The following SH3RF3 variants were observed in gnomAD, a reference collection of about 807,000 sequenced individuals.
SH3RF3 encodes the protein SH3 domain containing ring finger 3, also known as E3 ubiquitin-protein ligase SH3RF3.
SH3RF3 carries 29 observed loss-of-function variants against 66.3 expected under a neutral mutation model. The observed-to-expected ratio is 0.44, with a 90% CI of 0.33 to 0.60. SH3RF3 has a LOEUF of 0.60. Among genes scored for constraint, SH3RF3 ranks in the 20% least tolerant of loss-of-function variants. The pLI is 0.04. For synonymous variants in SH3RF3, 583 were observed against 532.0 expected (o/e 1.10, Z -1.32); for missense variants, 1,194 against 1,190.9 (o/e 1.00, Z -0.04).
In SH3RF3 at chr2:109,173,376, C is replaced by T. The variant is rs750019780; in HGVS notation, c.573+43263C>T. Among the ~76,000 whole-genome samples, 8 of 152,246 alleles carry T rather than the reference C, an allele frequency of 5.3e-5. No individual in the cohort carries two copies. In the East Asian group the frequency reaches 1.5e-3, roughly 29 times the overall value. ...AGCCGTCCCTGCCTGGGTTGTCTAT[C>T]GTGTGACTGTTTCAGATAAAGGCGG... On this transcript the variant is annotated intron_variant, in intron 1 of 9. Coordinates refer to ENST00000309415, the MANE Select transcript of SH3RF3 (RefSeq NM_001099289.3).
At chr2:109,201,887 C>T (rs891732254) in intron 1 of SH3RF3, among the ~76,000 whole-genome samples, 2 of 152,216 alleles carry the variant, frequency 1.3e-5, no homozygotes, top group Admixed American at 1.3e-4. Context: ...AGCCTCCTAC[C>T]AATGAGTCTG....
rs573604199 is a variant in SH3RF3 at position 109,305,725 on chromosome 2, G to A, written c.574-41949G>A. Among the ~76,000 whole-genome samples the A allele has an allele frequency of 2.9e-4, 44 of 152,354 alleles. No individual in the cohort carries two copies. The South Asian group carries it at 7.0e-3, about 24-fold the overall frequency. ...CATGTGCGGTGTGTGGCTACAATGC[G>A]GGAGGACGCACATTCCAGGCAGTGT... On this transcript the variant is annotated intron_variant, in intron 1 of 9. Transcript: ENST00000309415.
At chr2:109,476,906 T>C (rs950417073) in intron 8 of SH3RF3, among the ~76,000 whole-genome samples, 4 of 152,184 alleles carry the variant, frequency 2.6e-5, no homozygotes, top group African/African-American at 9.7e-5. Context: ...GTCATGGCGC[T>C]AATGGGAGTG....
intron 4 of SH3RF3, among the ~76,000 whole-genome samples, chr2:109,401,325 C>T (rs1483304314): frequency 6.6e-6 from 1 of 152,218 alleles, no homozygotes; most frequent in African/African-American, 2.4e-5. Context: ...AGGGGTACCC[C>T]TAAGAAGAGG....
chr2:109,458,008 A>G (rs1678108725), intron 8 of SH3RF3, among the ~76,000 whole-genome samples: 1 of 151,994 alleles, frequency 6.6e-6, no homozygotes, highest in Admixed American at 6.6e-5. Context: ...TCGGCATTCT[A>G]TTTGTTGTGG....
intron 8 of SH3RF3, among the ~76,000 whole-genome samples, chr2:109,468,937 A>G (rs1185310344): frequency 6.7e-6 from 1 of 149,360 alleles, no homozygotes; most frequent in Non-Finnish European, 1.5e-5. Context: ...TTGATACTGG[A>G]ACTGCCTTCC....
At chr2:109,327,869 G>A (rs1682193371) in intron 1 of SH3RF3, among the ~76,000 whole-genome samples, 1 of 152,058 alleles carries the variant, frequency 6.6e-6, no homozygotes, top group Non-Finnish European at 1.5e-5. Flanking sequence ...ATTTTCTTTT[G>A]TGTCAGTTTA....
intron 1 of SH3RF3, among the ~76,000 whole-genome samples, chr2:109,275,897 G>A (rs1284463859): frequency 1.3e-5 from 2 of 152,154 alleles, no homozygotes; most frequent in African/African-American, 4.8e-5. Context: ...TTTATGGAGA[G>A]GAAAATTCAT....
At chr2:109,206,753 T>C (rs564955438) in intron 1 of SH3RF3, among the ~76,000 whole-genome samples, 2 of 150,700 alleles carry the variant, frequency 1.3e-5, no homozygotes, top group Admixed American at 1.3e-4. Context: ...GAGTTCAAGG[T>C]TACAGTGAGC....
At chr2:109,349,146 C>G (rs751869025) in intron 2 of SH3RF3, among the ~76,000 whole-genome samples, 33 of 134,326 alleles carry the variant, frequency 2.5e-4, no homozygotes, top group Non-Finnish European at 4.5e-4. Flanking sequence ...CTCTCTCCCC[C>G]ATCTGCTGAG....
rs145712999 is a variant in SH3RF3, at chr2:109,260,653, A to C, written c.574-87021A>C. On this transcript the variant is annotated intron_variant, in intron 1 of 9. Coordinates refer to ENST00000309415, the MANE Select transcript of SH3RF3 (RefSeq NM_001099289.3). ...ATGGCTGAGAGCTGACAGGCTGTCC[A>C]GGGCCAATGGAGGCCCATGGGAGAA... Among the ~76,000 whole-genome samples, 870 of 152,262 alleles carry C rather than the reference A, an allele frequency of 5.7e-3. 4 individuals carry two copies. Among genetic ancestry groups the C allele is most frequent in the Non-Finnish European group, 9.2e-3 (623 of 68,002 alleles).
At chr2:109,224,774 T>C (rs1470459621) in intron 1 of SH3RF3, among the ~76,000 whole-genome samples, 1 of 152,120 alleles carries the variant, frequency 6.6e-6, no homozygotes, top group Non-Finnish European at 1.5e-5. Flanking sequence ...TTAGAATCGC[T>C]TGAAACCTGG....
At chr2:109,130,169 G>T in intron 1 of SH3RF3, 56 bp downstream of exon 1, 10 of 1,252,284 alleles carry the variant, frequency 8.0e-6, no homozygotes, top group Non-Finnish European at 1.0e-5. Flanking sequence ...GTGGGTGGGT[G>T]CTTGGGCGTG....
chr2:109,240,485 C>A (rs1172415398), intron 1 of SH3RF3, among the ~76,000 whole-genome samples: 1 of 152,108 alleles, frequency 6.6e-6, no homozygotes, highest in Non-Finnish European at 1.5e-5. Context: ...AAAAAACAAA[C>A]AAACAAAATA....
At chr2:109,191,026 A>G (rs7608125) in intron 1 of SH3RF3, among the ~76,000 whole-genome samples, 15 of 151,750 alleles carry the variant, frequency 9.9e-5, no homozygotes, top group African/African-American at 3.6e-4. Context: ...CAGAGAGTAA[A>G]TATTTCAGGC....
At chr2:109,407,813 G>A (rs1447315380) in intron 4 of SH3RF3, among the ~76,000 whole-genome samples, 2 of 152,204 alleles carry the variant, frequency 1.3e-5, no homozygotes, top group Non-Finnish European at 2.9e-5. Context: ...GGAAATAGCT[G>A]TACCTCCATG....
intron 2 of SH3RF3, among the ~76,000 whole-genome samples, chr2:109,364,882 G>A (rs1209487869): frequency 6.6e-6 from 1 of 152,174 alleles, no homozygotes; most frequent in African/African-American, 2.4e-5. Flanking sequence ...CTTGAGGTCA[G>A]GAGTTCGAGA....
At chr2:109,471,986 G>A (rs984999474) in intron 8 of SH3RF3, among the ~76,000 whole-genome samples, 21 of 152,324 alleles carry the variant, frequency 1.4e-4, no homozygotes, top group African/African-American at 5.1e-4. Flanking sequence ...TGCCAATTCA[G>A]GGAGAAGCAG....
At chr2:109,413,720 C>A (rs1008656593) in intron 4 of SH3RF3, among the ~76,000 whole-genome samples, 11 of 152,214 alleles carry the variant, frequency 7.2e-5, no homozygotes, top group Admixed American at 2.0e-4. Context: ...ATAGACATGT[C>A]ATGAGGGCCA....
Sources: allele counts gnomAD v4.1 joint callset (sites outside exome capture counted in the v4.1 genomes callset), GRCh38; gene constraint gnomAD v4.1.1; transcripts MANE v1.5; gene names NCBI Gene and HGNC (gene_info 2026-07-23, HGNC 2026-07-21).